Variants in ADGRV1 observed in about 807,000 individuals in gnomAD.
ADGRV1 encodes adhesion G protein-coupled receptor V1.
A neutral mutation model predicts 596.2 loss-of-function variants in ADGRV1; 359 were observed. The observed-to-expected ratio is 0.60, with a 90% CI of 0.55 to 0.66. The LOEUF (loss-of-function observed/expected upper bound fraction) is 0.66, where lower values mean the gene tolerates loss of function less well. ADGRV1 is among the 30% of genes least tolerant of loss of function. ADGRV1 has a pLI of 0.00. For synonymous variants in ADGRV1, 2,681 were observed against 2,679.2 expected, an observed-to-expected ratio of 1.00 and a Z score of -0.02; for missense variants, 7,274 against 7,575.6, an observed-to-expected ratio of 0.96 and a Z score of 1.48.
At chr5:90,594,485 C>CTTT (rs569370594) in intron 1 of ADGRV1, among the ~76,000 whole-genome samples, 2 of 108,308 alleles carry the variant, frequency 1.8e-5, no homozygotes, top group Admixed American at 9.2e-5. Context: ...TCTGGCAGTT[C>CTTT]TTTTTTTTTT....
chr5:90,642,771 GA>G lies in ADGRV1; in HGVS notation c.2367+16del, dbSNP rs1767146905. Reference sequence around the variant, plus strand: ...GACCCTATGTTATAAAAGTAAGTACGAAAAAAACTTCCATTTATTCTGTGCT... The same window carrying G: ...GACCCTATGTTATAAAAGTAAGTACGAAAAAACTTCCATTTATTCTGTGCT... On this transcript the variant is annotated intron_variant, in intron 12 of 89. Transcript: ENST00000405460. 3 of 1,605,504 alleles carry G rather than the reference GA, an allele frequency of 1.9e-6. No individual in the cohort carries two copies. The highest frequency in any genetic ancestry group is 1.7e-6 in the Non-Finnish European group (2 of 1,177,458).
In ADGRV1 at chr5:90,657,780, A is replaced by G. The variant is rs548392318; in HGVS notation, c.4379-125A>G. The G allele has an allele frequency of 6.5e-5, 59 of 903,750 alleles. No homozygotes were observed. In the South Asian group the frequency reaches 1.5e-3, roughly 23 times the overall value. 56.0% of individuals were successfully genotyped at this position (903,750 alleles called of 1,614,324 possible). A position where few individuals can be genotyped will look rare whatever the true frequency, so the allele number is the denominator to read the frequency against. On this transcript the variant is annotated intron_variant, in intron 20 of 89. Transcript: ENST00000405460. The stretch of plus-strand genomic sequence containing the variant: ...ATATCCAATTCATTGTATACTAGTT[A>G]TGCAAAAGTTTCATTTATCCAAAAA...
intron 86 of ADGRV1, among the ~76,000 whole-genome samples, chr5:91,074,226 A>G (rs1415305334): frequency 6.6e-6 from 1 of 152,150 alleles, no homozygotes; most frequent in African/African-American, 2.4e-5. Context: ...ATGTAGATAA[A>G]TTGCATGTCA....
chr5:91,013,343 T>A (rs1328305240), intron 85 of ADGRV1, among the ~76,000 whole-genome samples: 1 of 152,128 alleles, frequency 6.6e-6, no homozygotes, highest in Non-Finnish European at 1.5e-5. Context: ...TGTATAATTG[T>A]CCCCTTTTCT....
chr5:90,731,864 T>A (rs759458711), intron 50 of ADGRV1, among the ~76,000 whole-genome samples: 2 of 152,228 alleles, frequency 1.3e-5, no homozygotes, highest in Non-Finnish European at 1.5e-5. Context: ...TCATTATGTG[T>A]AAATACAACG....
chr5:90,689,867 A>G lies in ADGRV1; in HGVS notation c.6497A>G (p.Asp2166Gly). 6.2e-7 allele frequency: 1 copy of G among 1,610,366 alleles called. No individual in the cohort carries two copies. ...AVPITAIAGE[D>G]YSIASSDVVL... The stretch of plus-strand genomic sequence containing the variant: ...TTACTTTTGGTCTTTTCAGGTGAAG[A>G]TTATAGTATAGCTTCATCAGATGTG... Residue 2166 changes from aspartate to glycine, a missense_variant, in exon 30 of 90, where the codon GAT becomes GGT. Around this residue, in one of 5 missense-constraint regions of ADGRV1, gnomAD observed 3,643 missense variants for 3,809.2 expected, o/e 0.96. Coordinates refer to ENST00000405460, the MANE Select transcript of ADGRV1 (RefSeq NM_032119.4).
intron 77 of ADGRV1, among the ~76,000 whole-genome samples, chr5:90,837,824 CT>C (rs1421765748): frequency 5.9e-5 from 9 of 152,210 alleles, no homozygotes; most frequent in Middle Eastern, 6.8e-3. Flanking sequence ...AGAAATTTAA[CT>C]TTATCTGAAT....
intron 84 of ADGRV1, among the ~76,000 whole-genome samples, chr5:90,980,659 C>G (rs1295767625): frequency 6.6e-6 from 1 of 152,170 alleles, no homozygotes; most frequent in Non-Finnish European, 1.5e-5. Flanking sequence ...AAACAGTGAA[C>G]AGTAAGCTAT....
At chr5:90,840,146 T>A (rs1303360353) in intron 77 of ADGRV1, among the ~76,000 whole-genome samples, 2 of 152,212 alleles carry the variant, frequency 1.3e-5, no homozygotes, top group East Asian at 3.8e-4. Flanking sequence ...CTTCTACTTC[T>A]GCTTTCCTCC....
intron 20 of ADGRV1, 112 bp from the exon 21 acceptor site, chr5:90,657,793 A>G (rs1769636086): frequency 1.7e-6 from 2 of 1,182,050 alleles, no homozygotes; most frequent in African/African-American, 1.5e-5. Context: ...CAAAAGTTTC[A>G]TTTATCCAAA....
At chr5:90,824,372 G>A (rs761344822) in intron 76 of ADGRV1, among the ~76,000 whole-genome samples, 4 of 152,166 alleles carry the variant, frequency 2.6e-5, no homozygotes, top group Non-Finnish European at 5.9e-5. Flanking sequence ...TGATTTCTTT[G>A]ATCAGAAAGG....
chr5:90,742,839 A>G (rs986856175), intron 50 of ADGRV1, among the ~76,000 whole-genome samples: 10 of 152,158 alleles, frequency 6.6e-5, no homozygotes, highest in African/African-American at 2.4e-4. Flanking sequence ...TTAGATACGG[A>G]GGGAGACAAG....
intron 45 of ADGRV1, among the ~76,000 whole-genome samples, chr5:90,723,279 G>A (rs1751328498): frequency 6.6e-6 from 1 of 152,112 alleles, no homozygotes; most frequent in Non-Finnish European, 1.5e-5. Context: ...TTTTTTGCAT[G>A]TTTAGTTTGG....
chr5:90,763,332 G>A lies in ADGRV1; in HGVS notation c.12148G>A (p.Asp4050Asn), dbSNP rs576743510. The A allele has an allele frequency of 1.3e-4, 204 of 1,593,016 alleles. No individual in the cohort carries two copies. In the Admixed American group the frequency reaches 1.4e-3, roughly 11 times the overall value. ...TVMIDESLSS[D>N]DPDSYVTLTV... Reference sequence around the variant, plus strand: ...AATGATTGATGAATCCCTTTCATCCGATGACCCTGATTCATATGTGACATT... The same window carrying A: ...AATGATTGATGAATCCCTTTCATCCAATGACCCTGATTCATATGTGACATT... Residue 4050 changes from aspartate to asparagine, a missense_variant, in exon 59 of 90, where the codon GAT becomes AAT. Physicochemically the swap from Asp to Asn is conservative, Grantham distance 23. This residue lies in a region of ADGRV1 where 3,643 missense variants were observed against 3,809.2 expected (regional missense o/e 0.96). Coordinates refer to ENST00000405460, the MANE Select transcript of ADGRV1 (RefSeq NM_032119.4).
chr5:90,598,010 A>G (rs1760919992), intron 1 of ADGRV1, among the ~76,000 whole-genome samples: 1 of 152,210 alleles, frequency 6.6e-6, no homozygotes, highest in African/African-American at 2.4e-5. Flanking sequence ...ATAAGAATAA[A>G]CATTCTTATT....
chr5:90,866,278 T>G (rs1378506339), intron 83 of ADGRV1, among the ~76,000 whole-genome samples: 1 of 150,800 alleles, frequency 6.6e-6, no homozygotes, highest in Non-Finnish European at 1.5e-5. Context: ...TAGAAATATG[T>G]AGACTATTAT....
chr5:90,703,704 G>T lies in ADGRV1; in HGVS notation c.8195G>T (p.Gly2732Val). ...LQFHVIRTFP[G>V]RGNVTVNWKI... ...TTCCATGTGATAAGAACTTTCCCTGGTCGAGGAAATGTTACTGTTAACTGG... is the reference window on the plus strand; with the variant it reads ...TTCCATGTGATAAGAACTTTCCCTGTTCGAGGAAATGTTACTGTTAACTGG... The change falls in exon 35 of 90, where the codon GGT becomes GTT. Residue 2732 changes from glycine (G) to valine (V), a missense_variant. By Grantham distance (109) the Gly-to-Val change is moderately radical (BLOSUM62 -3). Around this residue, in one of 5 missense-constraint regions of ADGRV1, gnomAD observed 3,643 missense variants for 3,809.2 expected, o/e 0.96. Coordinates refer to ENST00000405460, the MANE Select transcript of ADGRV1 (RefSeq NM_032119.4). The T allele has an allele frequency of 6.2e-7, 1 of 1,605,882 alleles. No individual in the cohort carries two copies. Among genetic ancestry groups the T allele is most frequent in the Non-Finnish European group, 8.5e-7 (1 of 1,175,108 alleles).
Position 90,811,311 on chromosome 5 carries a change from G to A in ADGRV1, c.16051G>A (p.Ala5351Thr). The A allele has an allele frequency of 6.2e-7, 1 of 1,607,340 alleles. No homozygotes were observed. The highest frequency in any genetic ancestry group is 2.2e-5 in the East Asian group (1 of 44,804). The change falls in exon 74 of 90, where the codon GCA becomes ACA. Residue 5351 changes from alanine (A) to threonine (T), a missense_variant. This residue lies in a region of ADGRV1 where 1,874 missense variants were observed against 1,970.2 expected (regional missense o/e 0.95). Coordinates refer to ENST00000405460, the MANE Select transcript of ADGRV1 (RefSeq NM_032119.4). Reference protein sequence around the residue: ...IVEEKDDTGFAAFAMVIITGS... With the variant: ...IVEEKDDTGFTAFAMVIITGS... ...GGAGGAGAAGGATGATACTGGATTT[G>A]CAGCTTTTGCCATGGTTATTATTAC...
At chr5:90,565,488 T>A (rs926276553) in intron 1 of ADGRV1, among the ~76,000 whole-genome samples, 3 of 152,222 alleles carry the variant, frequency 2.0e-5, no homozygotes, top group African/African-American at 7.2e-5. Flanking sequence ...TAAAGATTCA[T>A]CCATGTTGTA....
Sources: gnomAD v4.1 joint callset for allele counts (sites outside exome capture counted in the v4.1 genomes callset) on GRCh38, gnomAD v4.1.1 for gene constraint, gnomAD v4.1.1 regional missense constraint, MANE v1.5 for transcripts, NCBI Gene and HGNC (gene_info 2026-07-23, HGNC 2026-07-21) for gene names.